Variants in ASIC2 observed in about 807,000 individuals in gnomAD.
The protein encoded by ASIC2 is acid-sensing ion channel 2.
Under a neutral mutation model 57.3 loss-of-function variants are expected in ASIC2, and 25 were observed. The ratio of observed to expected loss-of-function variants is 0.44; its 90% confidence interval spans 0.32 to 0.61. The LOEUF is 0.61. Among genes scored for constraint, ASIC2 ranks in the 20% least tolerant of loss-of-function variants. ASIC2 has a pLI of 0.06. For missense variants in ASIC2, 641 were observed against 738.1 expected, an observed-to-expected ratio of 0.87 and a Z score of 1.52; for synonymous variants, 319 against 307.5, an observed-to-expected ratio of 1.04 and a Z score of -0.39.
chr17:33,812,385 T>C (rs11653705), intron 1 of ASIC2, among the ~76,000 whole-genome samples: 53,061 of 152,084 alleles, frequency 0.35, 11,722 homozygotes, highest in Non-Finnish European at 0.51. Flanking sequence ...AGCTTTATCA[T>C]TGTCATTTTT....
intron 1 of ASIC2, among the ~76,000 whole-genome samples, chr17:33,277,722 G>A (rs1413460360): frequency 6.6e-6 from 1 of 152,186 alleles, no homozygotes; most frequent in Non-Finnish European, 1.5e-5. Context: ...CAGTCTCACC[G>A]AGCTGCCCTT....
chr17:33,567,363 G>C (rs1916267963), intron 1 of ASIC2, among the ~76,000 whole-genome samples: 1 of 152,002 alleles, frequency 6.6e-6, no homozygotes, highest in Admixed American at 6.6e-5. Flanking sequence ...GTCAGAAAAT[G>C]GGCAGGGATT....
chr17:33,734,369 C>T (rs1211885893), intron 1 of ASIC2, among the ~76,000 whole-genome samples: 2 of 152,168 alleles, frequency 1.3e-5, no homozygotes, highest in African/African-American at 4.8e-5. Context: ...CTCCCGTGCT[C>T]TGTCTTCCAC....
At chr17:33,995,066 G>C (rs1163248019) in intron 1 of ASIC2, among the ~76,000 whole-genome samples, 1 of 152,106 alleles carries the variant, frequency 6.6e-6, no homozygotes, top group Non-Finnish European at 1.5e-5. Flanking sequence ...CTAGCTGCAT[G>C]ACCTCCATCC....
intron 1 of ASIC2, among the ~76,000 whole-genome samples, chr17:34,041,070 A>G (rs1364710833): frequency 6.6e-6 from 1 of 152,202 alleles, no homozygotes; most frequent in Non-Finnish European, 1.5e-5. Context: ...ATATCTCAAC[A>G]AGGAGAAATA....
chr17:34,100,010 C>T (rs1297637531), intron 1 of ASIC2, among the ~76,000 whole-genome samples: 3 of 152,116 alleles, frequency 2.0e-5, no homozygotes, highest in Non-Finnish European at 2.9e-5. Context: ...TTCCCAGACA[C>T]TTTCTACCTG....
chr17:33,050,097 G>T (rs1156888217), intron 3 of ASIC2, among the ~76,000 whole-genome samples: 1 of 152,182 alleles, frequency 6.6e-6, no homozygotes. Flanking sequence ...CTCAACGGAA[G>T]ACCTGAGCCC....
intron 1 of ASIC2, among the ~76,000 whole-genome samples, chr17:34,099,422 T>A (rs1365659684): frequency 0.078 from 3,559 of 45,516 alleles, no homozygotes; most frequent in Non-Finnish European, 0.1. Context: ...AAAGAAAGAA[T>A]GAAAGAAAGA....
chr17:33,341,978 G>T (rs1907737843), intron 1 of ASIC2, among the ~76,000 whole-genome samples: 1 of 152,146 alleles, frequency 6.6e-6, no homozygotes, highest in Non-Finnish European at 1.5e-5. Flanking sequence ...TAAATAGCAA[G>T]AAAATGCAAA....
chr17:33,020,571 G>T (rs1344572165), intron 7 of ASIC2, among the ~76,000 whole-genome samples: 5 of 152,286 alleles, frequency 3.3e-5, no homozygotes, highest in Admixed American at 3.3e-4. Flanking sequence ...TTTGGGTTGG[G>T]CTGGGTTAGG....
intron 1 of ASIC2, among the ~76,000 whole-genome samples, chr17:33,579,307 C>G (rs1045343272): frequency 2.6e-5 from 3 of 114,616 alleles, no homozygotes; most frequent in Non-Finnish European, 5.2e-5. Flanking sequence ...AAAAAAAATG[C>G]AGGTGGGTGA....
chr17:33,935,913 C>T (rs1173305685), intron 1 of ASIC2: 6 of 152,216 alleles, frequency 3.9e-5, no homozygotes, highest in African/African-American at 1.4e-4. Flanking sequence ...ATCAATTAAG[C>T]TCTGTCTCTA....
intron 1 of ASIC2, among the ~76,000 whole-genome samples, chr17:33,787,793 A>G (rs1035961432): frequency 3.9e-5 from 6 of 152,288 alleles, no homozygotes; most frequent in South Asian, 4.1e-4. Context: ...CGCATGTTCA[A>G]TTGTAATCCT....
intron 1 of ASIC2, among the ~76,000 whole-genome samples, chr17:33,388,867 CAA>C (rs1909790445): frequency 6.6e-6 from 1 of 152,232 alleles, no homozygotes; most frequent in South Asian, 2.1e-4. Flanking sequence ...AGGCTGCTTC[CAA>C]CTTGCAAGAC....
At chr17:33,083,776 G>A (rs1033709672) in intron 3 of ASIC2, among the ~76,000 whole-genome samples, 2 of 152,146 alleles carry the variant, frequency 1.3e-5, no homozygotes, top group Non-Finnish European at 2.9e-5. Context: ...TTGGAGAGGT[G>A]AGCTGTGGCC....
At chr17:33,369,951 T>C (rs1191804483) in intron 1 of ASIC2, among the ~76,000 whole-genome samples, 3 of 152,186 alleles carry the variant, frequency 2.0e-5, no homozygotes, top group Non-Finnish European at 4.4e-5. Context: ...ATACTCCAAC[T>C]AAATTAATCA....
At chr17:34,084,813 G>A (rs1180040991) in intron 1 of ASIC2, among the ~76,000 whole-genome samples, 3 of 152,128 alleles carry the variant, frequency 2.0e-5, no homozygotes, top group African/African-American at 7.2e-5. Context: ...AATTGTGAAT[G>A]GGAGTTCACT....
chr17:33,213,605 G>T (rs73982465), intron 1 of ASIC2, among the ~76,000 whole-genome samples: 3,743 of 152,212 alleles, frequency 0.025, 172 homozygotes, highest in African/African-American at 0.083. Context: ...ATCGTCCTGC[G>T]GTCTCTAAGT....
intron 3 of ASIC2, among the ~76,000 whole-genome samples, chr17:33,064,299 C>T (rs932962075): frequency 2.6e-5 from 4 of 152,074 alleles, no homozygotes; most frequent in African/African-American, 9.7e-5. Flanking sequence ...TTTTATCTAC[C>T]TTTGGTGTTT....
Sources: allele counts gnomAD v4.1 joint callset (sites outside exome capture counted in the v4.1 genomes callset), GRCh38; gene constraint gnomAD v4.1.1; transcripts MANE v1.5; gene names NCBI Gene and HGNC (gene_info 2026-07-23, HGNC 2026-07-21).